The following PLPPR1 variants were observed in gnomAD, a reference collection of about 807,000 sequenced individuals.
PLPPR1 encodes the protein phospholipid phosphatase-related protein type 1.
PLPPR1 carries 10 observed loss-of-function variants against 33.1 expected under a neutral mutation model. The observed-to-expected ratio is 0.30, with a 90% CI of 0.19 to 0.51. The LOEUF (loss-of-function observed/expected upper bound fraction) is 0.51. PLPPR1 is among the 20% of genes least tolerant of loss of function. The pLI is 0.97. For missense variants in PLPPR1, 304 were observed against 408.1 expected, an observed-to-expected ratio of 0.74 and a Z score of 2.20; for synonymous variants, 151 against 151.0, an observed-to-expected ratio of 1.00 and a Z score of 0.00.
At chr9:101,156,752 A>G (rs1312532463) in intron 1 of PLPPR1, among the ~76,000 whole-genome samples, 1 of 152,110 alleles carries the variant, frequency 6.6e-6, no homozygotes, top group Non-Finnish European at 1.5e-5. Context: ...TAATGAATGA[A>G]TGGTATGTCA....
At chr9:101,056,617 GACAA>G (rs1185056932) in intron 1 of PLPPR1, among the ~76,000 whole-genome samples, 4 of 152,154 alleles carry the variant, frequency 2.6e-5, no homozygotes, top group African/African-American at 9.7e-5. Context: ...GAAAATGCAA[GACAA>G]ACAAGATGAG....
chr9:101,299,875 C>T (rs1320599467), intron 4 of PLPPR1, among the ~76,000 whole-genome samples: 2 of 151,988 alleles, frequency 1.3e-5, no homozygotes, highest in Non-Finnish European at 2.9e-5. Flanking sequence ...TAGTAGTACC[C>T]CTGGCCTCTA....
intron 1 of PLPPR1, among the ~76,000 whole-genome samples, chr9:101,123,546 G>A (rs761709681): frequency 2.6e-5 from 4 of 152,286 alleles, no homozygotes; most frequent in Non-Finnish European, 4.4e-5. Context: ...GGGCCATTGT[G>A]ATTGTGGAGG....
intron 1 of PLPPR1, among the ~76,000 whole-genome samples, chr9:101,041,339 T>C (rs1176062979): frequency 6.6e-6 from 1 of 152,158 alleles, no homozygotes; most frequent in Non-Finnish European, 1.5e-5. Context: ...GTGGTACCCA[T>C]AGAAATACAA....
intron 4 of PLPPR1, among the ~76,000 whole-genome samples, chr9:101,295,249 G>C (rs375740309): frequency 2.7e-5 from 4 of 150,526 alleles, no homozygotes; most frequent in South Asian, 2.1e-4. Context: ...TACAAGGGAC[G>C]TGAAGGACCT....
chr9:101,131,199 T>C (rs1831309813), intron 1 of PLPPR1, among the ~76,000 whole-genome samples: 1 of 152,184 alleles, frequency 6.6e-6, no homozygotes, highest in Non-Finnish European at 1.5e-5. Context: ...TGGTACAGCA[T>C]TCTGTAAACT....
chr9:101,155,429 T>C (rs765469636), intron 1 of PLPPR1, among the ~76,000 whole-genome samples: 3 of 152,208 alleles, frequency 2.0e-5, no homozygotes, highest in African/African-American at 2.4e-5. Flanking sequence ...CAAGCAAGCA[T>C]ATATATGCAA....
chr9:101,157,075 G>A (rs1468807574), intron 1 of PLPPR1, among the ~76,000 whole-genome samples: 2 of 152,214 alleles, frequency 1.3e-5, no homozygotes, highest in African/African-American at 2.4e-5. Flanking sequence ...ATTATACCAT[G>A]TGAAGGAGCT....
At chr9:101,123,451 C>T (rs1048257367) in intron 1 of PLPPR1, among the ~76,000 whole-genome samples, 2 of 151,888 alleles carry the variant, frequency 1.3e-5, no homozygotes, top group Non-Finnish European at 2.9e-5. Context: ...GTGATCAGAC[C>T]CAACACCAGG....
chr9:101,254,235 T>G (rs10989459), intron 2 of PLPPR1, among the ~76,000 whole-genome samples: 3 of 151,930 alleles, frequency 2.0e-5, no homozygotes, highest in Non-Finnish European at 4.4e-5. Context: ...CAGTGGGAGC[T>G]CTTAGCTTGT....
intron 2 of PLPPR1, among the ~76,000 whole-genome samples, chr9:101,246,087 T>TAG (rs1321412464): frequency 0.01 from 1,085 of 104,354 alleles, 39 homozygotes; most frequent in African/African-American, 0.029. Flanking sequence ...TATATATATA[T>TAG]ATATATATAT....
At chr9:101,122,413 T>TA (rs1831189738) in intron 1 of PLPPR1, among the ~76,000 whole-genome samples, 1 of 152,240 alleles carries the variant, frequency 6.6e-6, no homozygotes, top group African/African-American at 2.4e-5. Context: ...AAGAGCTTTT[T>TA]ATCTCACAAG....
At chr9:101,151,208 T>C (rs1407539225) in intron 1 of PLPPR1, among the ~76,000 whole-genome samples, 1 of 152,156 alleles carries the variant, frequency 6.6e-6, no homozygotes, top group Non-Finnish European at 1.5e-5. Context: ...TAATGGGAAT[T>C]TGTTGCCCTT....
intron 1 of PLPPR1, among the ~76,000 whole-genome samples, chr9:101,072,235 G>A (rs540256296): frequency 6.6e-6 from 1 of 152,254 alleles, no homozygotes; most frequent in Non-Finnish European, 1.5e-5. Context: ...TGTACAGACA[G>A]CTCTCCTCCA....
At chr9:101,145,474 C>T (rs1831508767) in intron 1 of PLPPR1, among the ~76,000 whole-genome samples, 1 of 152,016 alleles carries the variant, frequency 6.6e-6, no homozygotes, top group Non-Finnish European at 1.5e-5. Context: ...CTCCGCCTCC[C>T]AGGTTCAAGT....
intron 2 of PLPPR1, among the ~76,000 whole-genome samples, chr9:101,211,617 C>T (rs1344919038): frequency 6.6e-6 from 1 of 152,142 alleles, no homozygotes; most frequent in Non-Finnish European, 1.5e-5. Flanking sequence ...TAGTTAGGCC[C>T]ACCTCCTTAA....
chr9:101,063,620 C>T (rs936559152), intron 1 of PLPPR1, among the ~76,000 whole-genome samples: 2 of 152,104 alleles, frequency 1.3e-5, no homozygotes, highest in African/African-American at 4.8e-5. Flanking sequence ...TCCACCCTGA[C>T]TTTTACCCTG....
At chr9:101,262,776 T>G (rs1827923928) in intron 2 of PLPPR1, among the ~76,000 whole-genome samples, 1 of 152,150 alleles carries the variant, frequency 6.6e-6, no homozygotes, top group Non-Finnish European at 1.5e-5. Flanking sequence ...AATGATAGAC[T>G]GGATAAAGAA....
chr9:101,286,550 C>A (rs1828399135), intron 4 of PLPPR1, among the ~76,000 whole-genome samples: 1 of 152,024 alleles, frequency 6.6e-6, no homozygotes, highest in Admixed American at 6.6e-5. Context: ...GGTGGGGGAG[C>A]ATCAGGGGAC....
Sources: gnomAD v4.1 joint callset for allele counts (sites outside exome capture counted in the v4.1 genomes callset) on GRCh38, gnomAD v4.1.1 for gene constraint, MANE v1.5 for transcripts, NCBI Gene and HGNC (gene_info 2026-07-23, HGNC 2026-07-21) for gene names.